The following AFAP1 variants were observed in gnomAD, a reference collection of about 807,000 sequenced individuals.
AFAP1 encodes the protein actin filament associated protein 1.
AFAP1 carries 75 observed loss-of-function variants against 93.9 expected under a neutral mutation model. The observed-to-expected ratio is 0.80, with a 90% CI of 0.66 to 0.97. The LOEUF is 0.97. Among genes scored for constraint, AFAP1 ranks in the 50% least tolerant of loss-of-function variants. The pLI is 0.00. For missense variants in AFAP1, 1,201 were observed against 1,050.8 expected (o/e 1.14, Z -1.98); for synonymous variants, 517 against 430.7 (o/e 1.20, Z -2.48).
intron 14 of AFAP1, chr4:7,776,927 T>C (rs1716188449): frequency 1.3e-5 from 2 of 152,210 alleles, no homozygotes; most frequent in Non-Finnish European, 2.9e-5. Context: ...ATCTAATCTA[T>C]AATGCAACCG....
At chr4:7,780,812 T>G (rs1716688200) in intron 13 of AFAP1, among the ~76,000 whole-genome samples, 1 of 152,172 alleles carries the variant, frequency 6.6e-6, no homozygotes, top group Admixed American at 6.5e-5. Context: ...GAGTATACCT[T>G]TAGACTTGTC....
chr4:7,871,945 G>A lies in AFAP1; in HGVS notation c.127+7C>T. The A allele has an allele frequency of 6.2e-7, 1 of 1,614,098 alleles. No individual in the cohort carries two copies. Among genetic ancestry groups the A allele is most frequent in the Non-Finnish European group, 8.5e-7 (1 of 1,180,008 alleles). ...GAAGGAAAAGCAGGCGTCAGAATGAGACTCACCTTTGGATGACTGTATTCT... is the reference window on the plus strand; with the variant it reads ...GAAGGAAAAGCAGGCGTCAGAATGAAACTCACCTTTGGATGACTGTATTCT... On this transcript the variant is annotated splice_region_variant and intron_variant, in intron 2 of 17. Coordinates refer to ENST00000420658, the MANE Select transcript of AFAP1 (RefSeq NM_001134647.2).
chr4:7,768,029 T>G (rs530221243), intron 17 of AFAP1, among the ~76,000 whole-genome samples: 2 of 152,350 alleles, frequency 1.3e-5, no homozygotes, highest in Admixed American at 1.3e-4. Flanking sequence ...TGAGCTGTGA[T>G]GGCACCACTA....
intron 12 of AFAP1, 63 bp from the exon 13 acceptor site, chr4:7,781,690 G>C (rs2148985206): frequency 3.9e-6 from 6 of 1,532,680 alleles, no homozygotes; most frequent in Non-Finnish European, 4.4e-6. Flanking sequence ...TTTTAGCACA[G>C]TGAGATGTCA....
rs1027583336 is a variant in AFAP1 at position 7,760,262 on chromosome 4, T to C, written c.*3503A>G. ...AGGGTAGTTTTTGTCTATTTAGAAA[T>C]GGCCAGTAATAATTCTGGGATGAGT... On this transcript the variant is annotated 3_prime_UTR_variant, in exon 18 of 18. Transcript: ENST00000420658. 2.6e-4 allele frequency: 39 copies of C among 152,190 alleles called. No individual in the cohort carries two copies. The highest frequency in any genetic ancestry group is 9.4e-4 in the African/African-American group (39 of 41,458). The allele number at this position is 152,190 out of a possible 1,614,324, so 9.4% of individuals were successfully genotyped here. A position where few individuals can be genotyped will look rare whatever the true frequency, so the allele number is the denominator to read the frequency against.
intron 6 of AFAP1, among the ~76,000 whole-genome samples, chr4:7,825,426 A>C (rs923527298): frequency 9.9e-5 from 15 of 152,234 alleles, no homozygotes; most frequent in Non-Finnish European, 1.9e-4. Flanking sequence ...ACTTCTTTCA[A>C]ATTAAAAACA....
At chr4:7,884,454 T>C (rs1718029717) in intron 1 of AFAP1, among the ~76,000 whole-genome samples, 1 of 152,198 alleles carries the variant, frequency 6.6e-6, no homozygotes, top group Non-Finnish European at 1.5e-5. Flanking sequence ...TAGCCAGCCC[T>C]GCCAACTATT....
chr4:7,799,732 T>G (rs1718844058), intron 10 of AFAP1, among the ~76,000 whole-genome samples: 1 of 152,160 alleles, frequency 6.6e-6, no homozygotes, highest in Non-Finnish European at 1.5e-5. Context: ...TAAAACTGGG[T>G]AGAAAACATC....
chr4:7,820,581 G>A (rs1720886953), intron 6 of AFAP1, among the ~76,000 whole-genome samples: 1 of 152,194 alleles, frequency 6.6e-6, no homozygotes, highest in Non-Finnish European at 1.5e-5. Flanking sequence ...AGAGGGAGAA[G>A]AGAGCTCCAC....
chr4:7,933,346 G>A (rs1721201571), intron 1 of AFAP1, among the ~76,000 whole-genome samples: 1 of 152,144 alleles, frequency 6.6e-6, no homozygotes, highest in African/African-American at 2.4e-5. Context: ...AGGCCAAGTT[G>A]GGCCGATCAC....
At chr4:7,900,561 G>C (rs1719058939) in intron 1 of AFAP1, among the ~76,000 whole-genome samples, 1 of 152,196 alleles carries the variant, frequency 6.6e-6, no homozygotes, top group South Asian at 2.1e-4. Context: ...GAAGCAGGCA[G>C]CTGTCATTGT....
chr4:7,938,153 T>A (rs1220316909), intron 1 of AFAP1, among the ~76,000 whole-genome samples: 1 of 151,712 alleles, frequency 6.6e-6, no homozygotes, highest in African/African-American at 2.4e-5. Flanking sequence ...AGCTGATGAC[T>A]GGAGGTGCGG....
At chr4:7,837,297 G>A (rs1577273317) in intron 6 of AFAP1, among the ~76,000 whole-genome samples, 1 of 152,144 alleles carries the variant, frequency 6.6e-6, no homozygotes, top group Admixed American at 6.5e-5. Context: ...ACCCTCAAGA[G>A]GATGGTGTTA....
At chr4:7,784,923 T>C (rs140730946) in intron 12 of AFAP1, among the ~76,000 whole-genome samples, 96 of 152,212 alleles carry the variant, frequency 6.3e-4, no homozygotes, top group African/African-American at 2.2e-3. Context: ...GAATGGAGAA[T>C]CAAAACAGTA....
intron 8 of AFAP1, among the ~76,000 whole-genome samples, chr4:7,811,640 A>G (rs985381488): frequency 2.0e-5 from 3 of 152,052 alleles, no homozygotes; most frequent in African/African-American, 7.2e-5. Flanking sequence ...CTATAGCGTT[A>G]GTGCCCTTCT....
chr4:7,913,959 G>A (rs994002733), intron 1 of AFAP1, among the ~76,000 whole-genome samples: 2 of 152,286 alleles, frequency 1.3e-5, no homozygotes, highest in African/African-American at 4.8e-5. Flanking sequence ...TAATGTATGT[G>A]ATCAGAGTAA....
At position 7,843,153 on chromosome 4, in the gene AFAP1, C is replaced by A; in HGVS notation, c.532G>T (p.Asp178Tyr). The change falls in exon 5 of 18, where the codon GAC becomes TAC. Residue 178 changes from aspartate to tyrosine, a missense_variant. Physicochemically the swap from Asp to Tyr is radical, Grantham distance 160. Transcript: ENST00000420658. Reference protein sequence around the residue: ...QWTKLLCVIKDTKLLCYKSSK... With the variant: ...QWTKLLCVIKYTKLLCYKSSK... ...AAATGTCTTACCAGCAGTTTGGTGT[C>A]TTTGATGACGCAGAGCAACTTGGTC... 6.2e-7 allele frequency: 1 copy of A among 1,614,066 alleles called. No individual in the cohort carries two copies. The highest frequency in any genetic ancestry group is 8.5e-7 in the Non-Finnish European group (1 of 1,179,994).
chr4:7,801,850 G>A (rs1266511343), intron 9 of AFAP1, among the ~76,000 whole-genome samples: 1 of 146,214 alleles, frequency 6.8e-6, no homozygotes, highest in Non-Finnish European at 1.5e-5. Context: ...GGAGGCCGGG[G>A]CAGGAAGGTC....
At chr4:7,770,486 G>T (rs1284513133) in intron 16 of AFAP1, among the ~76,000 whole-genome samples, 1 of 152,214 alleles carries the variant, frequency 6.6e-6, no homozygotes, top group East Asian at 1.9e-4. Flanking sequence ...CATGCTGCAA[G>T]CATGGACAAC....
Sources: gnomAD v4.1 joint callset for allele counts (sites outside exome capture counted in the v4.1 genomes callset) on GRCh38, gnomAD v4.1.1 for gene constraint, MANE v1.5 for transcripts, NCBI Gene and HGNC (gene_info 2026-07-23, HGNC 2026-07-21) for gene names.